MPP7: variants seen among roughly 807,000 people sequenced by gnomAD.
The protein encoded by MPP7 is MAGUK p55 subfamily member 7.
In MPP7, 60 loss-of-function variants were observed where a neutral mutation model predicts 76.5. That is an observed-to-expected ratio of 0.78 (90% CI 0.64 to 0.97). The LOEUF (loss-of-function observed/expected upper bound fraction) is 0.97, where lower values mean the gene tolerates loss of function less well. MPP7 is among the 50% of genes least tolerant of loss of function. The probability of loss-of-function intolerance (pLI) is 0.00; values close to 1 mark genes in which losing one functional copy is unlikely to be tolerated. For missense variants in MPP7, 641 were observed against 694.0 expected, an observed-to-expected ratio of 0.92 and a Z score of 0.86; for synonymous variants, 237 against 244.5, an observed-to-expected ratio of 0.97 and a Z score of 0.29.
intron 3 of MPP7, among the ~76,000 whole-genome samples, chr10:28,194,376 C>A (rs117624684): frequency 6.6e-6 from 1 of 151,972 alleles, no homozygotes; most frequent in South Asian, 2.1e-4. Context: ...TGATATTTAT[C>A]CAAATGAGTT....
rs550133514 is a variant in MPP7 at position 28,139,160 on chromosome 10, C to G, written c.316-7469G>C. Among the ~76,000 whole-genome samples, 4 of 152,300 alleles carry G rather than the reference C, an allele frequency of 2.6e-5. No homozygotes were observed. The South Asian group carries it at 8.3e-4, about 32-fold the overall frequency. On this transcript the variant is annotated intron_variant, in intron 5 of 16. Transcript: ENST00000683449. ...CCCGCTTCTAGTGAGCAAAGGCAGC[C>G]CCTGAGCTCCTACCACCCTTTGTAT...
At chr10:28,318,149 G>T (rs1012265044) in intron 2 of MPP7, among the ~76,000 whole-genome samples, 34 of 152,144 alleles carry the variant, frequency 2.2e-4, no homozygotes, top group African/African-American at 8.2e-4. Flanking sequence ...GGGAAATCAT[G>T]ATTTTGTTTA....
At chr10:28,235,182 C>T (rs1839031800) in intron 2 of MPP7, among the ~76,000 whole-genome samples, 2 of 151,056 alleles carry the variant, frequency 1.3e-5, no homozygotes, top group African/African-American at 4.9e-5. Context: ...TATGGTATTA[C>T]GAATGAGATC....
intron 12 of MPP7, among the ~76,000 whole-genome samples, chr10:28,074,881 T>C (rs908636970): frequency 6.6e-6 from 1 of 152,244 alleles, no homozygotes; most frequent in Non-Finnish European, 1.5e-5. Context: ...TTTTACACAC[T>C]GTCCTTTTAT....
At chr10:28,080,333 G>A (rs1313658692) in intron 12 of MPP7, among the ~76,000 whole-genome samples, 3 of 152,170 alleles carry the variant, frequency 2.0e-5, no homozygotes, top group East Asian at 1.9e-4. Context: ...TGAGTGTTCC[G>A]TGGCTAAGTA....
chr10:28,181,252 A>G (rs937470967), intron 3 of MPP7, among the ~76,000 whole-genome samples: 3 of 152,206 alleles, frequency 2.0e-5, no homozygotes, highest in African/African-American at 7.2e-5. Context: ...GAATGATAAA[A>G]CCAATCTAAT....
At chr10:28,138,754 T>C (rs774202967) in intron 5 of MPP7, among the ~76,000 whole-genome samples, 11 of 152,184 alleles carry the variant, frequency 7.2e-5, no homozygotes, top group Non-Finnish European at 7.4e-5. Flanking sequence ...TCTTATACTA[T>C]TATGAATTAA....
intron 11 of MPP7, among the ~76,000 whole-genome samples, chr10:28,101,572 C>A (rs1853826684): frequency 6.6e-6 from 1 of 151,954 alleles, no homozygotes; most frequent in Non-Finnish European, 1.5e-5. Context: ...CCAAACTGAT[C>A]TTGTTTTAAA....
At chr10:28,176,346 A>AAAAC (rs771070399) in intron 3 of MPP7, among the ~76,000 whole-genome samples, 6 of 144,126 alleles carry the variant, frequency 4.2e-5, no homozygotes, top group Non-Finnish European at 6.0e-5. Flanking sequence ...GGTCAAAAAC[A>AAAAC]AAACAAAACA....
intron 2 of MPP7, among the ~76,000 whole-genome samples, chr10:28,323,472 G>C (rs908271819): frequency 1.3e-5 from 2 of 149,882 alleles, no homozygotes; most frequent in Non-Finnish European, 1.5e-5. Flanking sequence ...AAAAAAGAAA[G>C]AAAGAAATCC....
At chr10:28,280,989 C>T (rs1232226478) in intron 1 of MPP7, among the ~76,000 whole-genome samples, 5 of 151,982 alleles carry the variant, frequency 3.3e-5, no homozygotes, top group South Asian at 4.2e-4. Flanking sequence ...ATATACAGGC[C>T]TCAATATGAC....
At chr10:28,064,839 T>A (rs945820038) in intron 13 of MPP7, among the ~76,000 whole-genome samples, 1 of 152,212 alleles carries the variant, frequency 6.6e-6, no homozygotes, top group African/African-American at 2.4e-5. Context: ...TCACACTCTT[T>A]ACAGGAATAG....
At chr10:28,328,571 T>TTC (rs1491454687) in intron 2 of MPP7, among the ~76,000 whole-genome samples, 1 of 55,166 alleles carries the variant, frequency 1.8e-5, no homozygotes, top group Non-Finnish European at 4.6e-5. Flanking sequence ...AGCAAGCACT[T>TTC]TTTTTTTTTT....
chr10:28,170,307 A>G (rs762175728), intron 3 of MPP7, among the ~76,000 whole-genome samples: 1 of 151,834 alleles, frequency 6.6e-6, no homozygotes, highest in Non-Finnish European at 1.5e-5. Flanking sequence ...TTATCCCACA[A>G]ATATCACCTT....
At chr10:28,081,600 G>A (rs920461887) in intron 12 of MPP7, among the ~76,000 whole-genome samples, 1 of 151,932 alleles carries the variant, frequency 6.6e-6, no homozygotes, top group Non-Finnish European at 1.5e-5. Flanking sequence ...TAACAACTTG[G>A]TCTATTATTA....
chr10:28,055,295 A>T (rs1245860281), intron 16 of MPP7, among the ~76,000 whole-genome samples: 1 of 152,176 alleles, frequency 6.6e-6, no homozygotes, highest in Non-Finnish European at 1.5e-5. Context: ...GACAGTACCT[A>T]CTCAGAACGG....
intron 15 of MPP7, 28 bp downstream of exon 15, chr10:28,058,467 G>T: frequency 2.4e-6 from 3 of 1,250,146 alleles, no homozygotes; most frequent in Non-Finnish European, 2.3e-6. Flanking sequence ...GGGTCAGAAG[G>T]GTATTGAATA....
At chr10:28,182,460 A>G (rs776971427) in intron 3 of MPP7, among the ~76,000 whole-genome samples, 3 of 152,222 alleles carry the variant, frequency 2.0e-5, no homozygotes, top group African/African-American at 2.4e-5. Flanking sequence ...TATCTACTAA[A>G]GTGTAAGATG....
intron 1 of MPP7, among the ~76,000 whole-genome samples, chr10:28,257,746 A>T (rs1212799591): frequency 3.2e-4 from 2 of 6,190 alleles, no homozygotes; most frequent in South Asian, 1.3e-3. Flanking sequence ...AAAGTATAAT[A>T]AAAAAAAAAA....
Sources: gnomAD v4.1 joint callset for allele counts (sites outside exome capture counted in the v4.1 genomes callset) on GRCh38, gnomAD v4.1.1 for gene constraint, MANE v1.5 for transcripts, NCBI Gene and HGNC (gene_info 2026-07-23, HGNC 2026-07-21) for gene names.